The following SPATA6 variants were observed in gnomAD, a reference collection of about 807,000 sequenced individuals.
The protein encoded by SPATA6 is spermatogenesis associated 6.
Under a neutral mutation model 65.3 loss-of-function variants are expected in SPATA6, and 56 were observed. The ratio of observed to expected loss-of-function variants is 0.86; its 90% CI spans 0.69 to 1.07. The LOEUF is 1.07. Ranked by LOEUF, SPATA6 falls within the 50% of genes least tolerant of loss-of-function variation. SPATA6 has a pLI of 0.00. For missense variants in SPATA6, 590 were observed against 594.8 expected, an observed-to-expected ratio of 0.99 and a Z score of 0.08; for synonymous variants, 199 against 213.2, an observed-to-expected ratio of 0.93 and a Z score of 0.58.
chr1:48,302,399 C>A lies in SPATA6; in HGVS notation c.1286+3388G>T, dbSNP rs6698298. Reference sequence around the variant, plus strand: ...TCCACACCTTCCCACCTTTTAGAATCTCCAGTGTTTATTATACCTCTCTGT... The same window carrying A: ...TCCACACCTTCCCACCTTTTAGAATATCCAGTGTTTATTATACCTCTCTGT... On this transcript the variant is annotated intron_variant, in intron 12 of 12. Transcript: ENST00000371847. 7.1e-3 allele frequency among the ~76,000 whole-genome samples: 1,081 copies of A among 152,274 alleles called. 14 individuals are homozygous for A. Among genetic ancestry groups the A allele is most frequent in the African/African-American group, 0.025 (1,037 of 41,566 alleles).
At chr1:48,449,294 G>A (rs990121616) in intron 3 of SPATA6, among the ~76,000 whole-genome samples, 1 of 152,180 alleles carries the variant, frequency 6.6e-6, no homozygotes, top group Non-Finnish European at 1.5e-5. Context: ...TTATAATGGA[G>A]GAATCAGGCT....
intron 3 of SPATA6, among the ~76,000 whole-genome samples, chr1:48,417,510 A>ATT (rs1652885710): frequency 6.6e-6 from 1 of 152,202 alleles, no homozygotes; most frequent in East Asian, 1.9e-4. Context: ...ACACAAGACT[A>ATT]TTTTAAAAAT....
intron 3 of SPATA6, among the ~76,000 whole-genome samples, chr1:48,428,807 G>GTA (rs1219569671): frequency 1.3e-3 from 146 of 115,612 alleles, no homozygotes; most frequent in African/African-American, 4.3e-3. Flanking sequence ...GTGTGTGTGT[G>GTA]TGTATATGTA....
intron 9 of SPATA6, among the ~76,000 whole-genome samples, chr1:48,374,450 A>T (rs999640504): frequency 6.6e-6 from 1 of 152,222 alleles, no homozygotes; most frequent in Admixed American, 6.5e-5. Flanking sequence ...ATTTGCATTC[A>T]TATGGCTTAA....
At chr1:48,362,228 T>C (rs1351734333) in intron 9 of SPATA6, among the ~76,000 whole-genome samples, 1 of 151,736 alleles carries the variant, frequency 6.6e-6, no homozygotes, top group Non-Finnish European at 1.5e-5. Context: ...CACTCCAGCC[T>C]GGGTGACACA....
chr1:48,448,317 G>A (rs1656256447), intron 3 of SPATA6, among the ~76,000 whole-genome samples: 1 of 151,474 alleles, frequency 6.6e-6, no homozygotes, highest in Non-Finnish European at 1.5e-5. Context: ...GGCAAAGTAG[G>A]TACAGGTTGA....
At chr1:48,398,504 A>T (rs114403335) in intron 7 of SPATA6, among the ~76,000 whole-genome samples, 9,868 of 151,800 alleles carry the variant, frequency 0.065, 415 homozygotes, top group Non-Finnish European at 0.092. Flanking sequence ...ATTAGTCAGA[A>T]ATATTTTTAT....
intron 1 of SPATA6, among the ~76,000 whole-genome samples, chr1:48,455,668 C>T (rs1198259563): frequency 3.9e-5 from 6 of 152,184 alleles, no homozygotes; most frequent in South Asian, 2.1e-4. Flanking sequence ...GCATGAGCCA[C>T]CGCACCTGGC....
intron 11 of SPATA6, among the ~76,000 whole-genome samples, chr1:48,342,154 T>C (rs562792898): frequency 6.6e-6 from 1 of 152,306 alleles, no homozygotes; most frequent in Admixed American, 6.5e-5. Context: ...TCTGTCACAA[T>C]TCTCACCTCT....
intron 11 of SPATA6, among the ~76,000 whole-genome samples, chr1:48,306,920 A>G (rs1645075147): frequency 6.6e-6 from 1 of 151,726 alleles, no homozygotes; most frequent in South Asian, 2.1e-4. Flanking sequence ...TTTTCCCTTA[A>G]CTTATTTGGT....
chr1:48,343,501 C>T (rs186923283), intron 11 of SPATA6, among the ~76,000 whole-genome samples: 71 of 152,134 alleles, frequency 4.7e-4, no homozygotes, highest in South Asian at 3.1e-3. Context: ...ACTTTTGTAA[C>T]GCCTATGTAA....
chr1:48,298,600 G>A lies in SPATA6; in HGVS notation c.*113C>T. The A allele has an allele frequency of 1.1e-6, 1 of 945,272 alleles. No individual in the cohort carries two copies. Among genetic ancestry groups the A allele is most frequent in the African/African-American group, 1.6e-5 (1 of 60,850 alleles). The allele number at this position is 945,272 out of a possible 1,614,324, so 58.6% of individuals were successfully genotyped here. A position where few individuals can be genotyped will look rare whatever the true frequency, so the allele number is the denominator to read the frequency against. ...ATGAACTTATTCAAGTATAACTATT[G>A]TACTTAGTTATAATCCCATTTTTTT... is the stretch of plus-strand genomic sequence containing the variant. On this transcript the variant is annotated 3_prime_UTR_variant, in exon 13 of 13. Transcript: ENST00000371847.
At chr1:48,450,501 AT>A (rs1354999572) in intron 3 of SPATA6, among the ~76,000 whole-genome samples, 1 of 152,094 alleles carries the variant, frequency 6.6e-6, no homozygotes, top group Non-Finnish European at 1.5e-5. Flanking sequence ...GTGTATCTTC[AT>A]TTTTTTCTAA....
chr1:48,403,534 G>A (rs2253140), intron 6 of SPATA6, among the ~76,000 whole-genome samples: 148,864 of 152,290 alleles, frequency 0.98, 72,845 homozygotes, highest in East Asian at 1. Context: ...ATTTCTGTGC[G>A]CTAAAATCAA....
chr1:48,268,354 G>T, the SPATA6 span, among the ~76,000 whole-genome samples: 1 of 151,788 alleles, frequency 6.6e-6, no homozygotes, highest in Non-Finnish European at 1.5e-5. Flanking sequence ...GTATCTATCT[G>T]TATGTACATA....
intron 3 of SPATA6, among the ~76,000 whole-genome samples, chr1:48,424,075 C>G (rs1011333846): frequency 3.3e-5 from 5 of 152,092 alleles, no homozygotes; most frequent in Non-Finnish European, 5.9e-5. Flanking sequence ...ATTGTGCTAT[C>G]AAATAGTAGG....
chr1:48,372,051 T>C (rs1364688200), intron 9 of SPATA6, among the ~76,000 whole-genome samples: 3 of 152,264 alleles, frequency 2.0e-5, no homozygotes, highest in Non-Finnish European at 4.4e-5. Context: ...AGCCAAACCA[T>C]ATCATTCCAC....
At chr1:48,413,889 A>G (rs755467330) in intron 3 of SPATA6, among the ~76,000 whole-genome samples, 25 of 152,334 alleles carry the variant, frequency 1.6e-4, no homozygotes, top group Admixed American at 1.3e-3. Flanking sequence ...TTATTAAGAA[A>G]ATCCTAAGGA....
chr1:48,272,633 G>A, the SPATA6 span, among the ~76,000 whole-genome samples: 1 of 152,046 alleles, frequency 6.6e-6, no homozygotes, highest in East Asian at 1.9e-4. Flanking sequence ...TTGTAATACT[G>A]TAATGAACAT....
Sources: gnomAD v4.1 joint callset for allele counts (sites outside exome capture counted in the v4.1 genomes callset) on GRCh38, gnomAD v4.1.1 for gene constraint, MANE v1.5 for transcripts, NCBI Gene and HGNC (gene_info 2026-07-23, HGNC 2026-07-21) for gene names.